The following SAMD5 variants were observed in gnomAD, a reference collection of about 807,000 sequenced individuals.
The protein encoded by SAMD5 is sterile alpha motif domain-containing protein 5.
Under a neutral mutation model 11.3 loss-of-function variants are expected in SAMD5, and 13 were observed. That is an observed-to-expected ratio of 1.15 (90% CI 0.75 to 1.83). SAMD5 has a LOEUF of 1.83. Ranked by LOEUF, SAMD5 falls within the 40% of genes most tolerant of loss-of-function variation. The pLI, the probability that SAMD5 is intolerant of heterozygous loss-of-function variation, is 0.00. For missense variants in SAMD5, 255 were observed against 239.1 expected, an observed-to-expected ratio of 1.07 and a Z score of -0.44; for synonymous variants, 129 against 111.3, an observed-to-expected ratio of 1.16 and a Z score of -1.00.
At chr6:147,844,504 A>G in the SAMD5 span, among the ~76,000 whole-genome samples, 2 of 152,160 alleles carry the variant, frequency 1.3e-5, no homozygotes, top group Non-Finnish European at 2.9e-5. Context: ...ACCGAAGGGA[A>G]TTGATACCAG....
At chr6:147,600,075 G>A (rs913291912) in intron 1 of SAMD5, among the ~76,000 whole-genome samples, 5 of 152,098 alleles carry the variant, frequency 3.3e-5, no homozygotes, top group Non-Finnish European at 7.4e-5. Flanking sequence ...GGGAGTGAGG[G>A]CCACTCAGAG....
chr6:147,818,066 T>A, the SAMD5 span, among the ~76,000 whole-genome samples: 1 of 152,242 alleles, frequency 6.6e-6, no homozygotes, highest in Non-Finnish European at 1.5e-5. Flanking sequence ...CATATCACAT[T>A]AAGGTGTATT....
intron 1 of SAMD5, among the ~76,000 whole-genome samples, chr6:147,514,632 A>T (rs559018477): frequency 3.2e-4 from 49 of 152,108 alleles, no homozygotes; most frequent in African/African-American, 1.2e-3. Flanking sequence ...GGGGCTGTAA[A>T]TATATTTTAT....
intron 1 of SAMD5, among the ~76,000 whole-genome samples, chr6:147,588,367 G>T (rs1275531866): frequency 1.5e-5 from 2 of 135,096 alleles, no homozygotes; most frequent in Non-Finnish European, 3.0e-5. Context: ...AGGCTGGAGT[G>T]CAGTGGCATG....
chr6:147,848,158 C>T, the SAMD5 span, among the ~76,000 whole-genome samples: 1 of 152,160 alleles, frequency 6.6e-6, no homozygotes, highest in East Asian at 1.9e-4. Context: ...TTAAGCTTGT[C>T]TTACATTAAA....
intron 1 of SAMD5, among the ~76,000 whole-genome samples, chr6:147,702,815 A>ATG (rs1419633514): frequency 1.6e-5 from 2 of 123,002 alleles, no homozygotes; most frequent in Non-Finnish European, 3.8e-5. Flanking sequence ...GTCTATTTGT[A>ATG]TATGTGTGTG....
the SAMD5 span, among the ~76,000 whole-genome samples, chr6:147,773,383 A>G: frequency 6.6e-6 from 1 of 152,274 alleles, no homozygotes; most frequent in Non-Finnish European, 1.5e-5. Context: ...CAGTTCACTC[A>G]TCTGTACAGA....
In SAMD5 at chr6:147,711,089, G is replaced by A. The variant is rs1010468588; in HGVS notation, c.163-26228G>A. Among the ~76,000 whole-genome samples the A allele has an allele frequency of 6.6e-6, 1 of 151,092 alleles. No individual in the cohort carries two copies. The highest frequency in any genetic ancestry group is 2.4e-5 in the African/African-American group (1 of 41,062). Reference sequence around the variant, plus strand: ...GGAAGGAAGGAAGGGAAGGAAGGGGGCAATGGAAAGTATCAGAAGTGGGAG... The same window carrying A: ...GGAAGGAAGGAAGGGAAGGAAGGGGACAATGGAAAGTATCAGAAGTGGGAG... On this transcript the variant is annotated intron_variant, in intron 1 of 1. Transcript: ENST00000566741. This position sits in a 1 kb window ranked among gnomAD's most constrained non-coding sequence, Gnocchi z 4.1.
At chr6:147,775,545 G>A in the SAMD5 span, among the ~76,000 whole-genome samples, 2 of 152,242 alleles carry the variant, frequency 1.3e-5, no homozygotes, top group Admixed American at 1.3e-4. Flanking sequence ...TCAAATAAAT[G>A]TATATTAATT....
chr6:147,843,049 AG>A, the SAMD5 span, among the ~76,000 whole-genome samples: 1 of 152,238 alleles, frequency 6.6e-6, no homozygotes. Context: ...TAGTAGAAAC[AG>A]GGTTTCACCA....
chr6:147,795,977 G>A, the SAMD5 span, among the ~76,000 whole-genome samples: 6 of 148,454 alleles, frequency 4.0e-5, no homozygotes, highest in African/African-American at 1.5e-4. Context: ...CCCTTTGTCA[G>A]ATGAGTAGGT....
chr6:147,536,919 C>T (rs1460037612), intron 1 of SAMD5, among the ~76,000 whole-genome samples: 2 of 151,866 alleles, frequency 1.3e-5, no homozygotes, highest in Non-Finnish European at 2.9e-5. Flanking sequence ...ATCAGAAACC[C>T]ACATTTAAGA....
the SAMD5 span, among the ~76,000 whole-genome samples, chr6:147,937,573 C>T: frequency 6.6e-6 from 1 of 152,068 alleles, no homozygotes; most frequent in Non-Finnish European, 1.5e-5. Context: ...GGTTGTTGAT[C>T]GCTGTTTTGC....
At chr6:147,766,475 G>A in the SAMD5 span, among the ~76,000 whole-genome samples, 2 of 152,232 alleles carry the variant, frequency 1.3e-5, no homozygotes, top group East Asian at 3.9e-4. Flanking sequence ...AAAGAAAAGA[G>A]TATCAGAATG....
intron 1 of SAMD5, among the ~76,000 whole-genome samples, chr6:147,581,926 TAGAC>T (rs1204795116): frequency 7.9e-5 from 12 of 151,826 alleles, no homozygotes; most frequent in African/African-American, 2.4e-4. Context: ...GAGGGGTTGG[TAGAC>T]AGTGGATAAA....
At chr6:147,697,984 A>G (rs1791200055) in intron 1 of SAMD5, among the ~76,000 whole-genome samples, 1 of 152,184 alleles carries the variant, frequency 6.6e-6, no homozygotes, top group Non-Finnish European at 1.5e-5. Context: ...AGATGGATTC[A>G]GGATGAAACT....
the SAMD5 span, among the ~76,000 whole-genome samples, chr6:147,750,273 T>C: frequency 6.6e-6 from 1 of 152,248 alleles, no homozygotes; most frequent in East Asian, 1.9e-4. Context: ...GATGAGGTCA[T>C]TGAAAATGTG....
chr6:147,575,103 A>G (rs1789200177), intron 1 of SAMD5, among the ~76,000 whole-genome samples: 1 of 152,240 alleles, frequency 6.6e-6, no homozygotes, highest in Non-Finnish European at 1.5e-5. Context: ...TCAGTTGAAC[A>G]TACATAACAA....
the SAMD5 span, among the ~76,000 whole-genome samples, chr6:147,797,572 G>A: frequency 9.6e-6 from 1 of 104,194 alleles, no homozygotes; most frequent in Non-Finnish European, 1.8e-5. Context: ...TCAGAATGAT[G>A]CTGGCCTCAT....
Sources: gnomAD v4.1 joint callset for allele counts (sites outside exome capture counted in the v4.1 genomes callset) on GRCh38, gnomAD v4.1.1 for gene constraint, Gnocchi (gnomAD v3.1) non-coding constraint, MANE v1.5 for transcripts, NCBI Gene and HGNC (gene_info 2026-07-23, HGNC 2026-07-21) for gene names.